Variants in PPP1R1C observed in about 807,000 individuals in gnomAD.
The protein encoded by PPP1R1C is protein phosphatase 1 regulatory subunit 1C.
A neutral mutation model predicts 17.4 loss-of-function variants in PPP1R1C; 15 were observed. The ratio of observed to expected loss-of-function variants is 0.86; its 90% CI spans 0.58 to 1.33. PPP1R1C has a LOEUF of 1.33. Ranked by LOEUF, PPP1R1C falls within the 40% of genes most tolerant of loss-of-function variation. The pLI is 0.00. For missense variants in PPP1R1C, 143 were observed against 130.0 expected (o/e 1.10, Z -0.48); for synonymous variants, 35 against 43.1 (o/e 0.81, Z 0.73).
chr2:181,961,739 T>G lies in PPP1R1C; in HGVS notation n.111+7105T>G, dbSNP rs1401818509. On this transcript the variant is annotated intron_variant and non_coding_transcript_variant, in intron 1 of 5. Transcript: ENST00000464264. The surrounding 1 kb of genome is among the most constrained non-coding windows in gnomAD (Gnocchi z 5.8). ...TATTGGGCCCGGATATCTGCTATGA[T>G]CTTGGCAAGGTCCTGAGATTTGGGG... The G allele has an allele frequency of 2.0e-6, 2 of 991,524 alleles. No homozygotes were observed. The highest frequency in any genetic ancestry group is 1.7e-5 in the Admixed American group (1 of 58,866). 61.4% of individuals were successfully genotyped at this position (991,524 alleles called of 1,614,324 possible). A position where few individuals can be genotyped will look rare whatever the true frequency, so the allele number is the denominator to read the frequency against.
In PPP1R1C at chr2:181,957,299, G is replaced by T. The variant is rs1192258246; in HGVS notation, n.111+2665G>T. On this transcript the variant is annotated intron_variant and non_coding_transcript_variant, in intron 1 of 5. Coordinates refer to the PPP1R1C transcript ENST00000464264. This position sits in a 1 kb window ranked among gnomAD's most constrained non-coding sequence, Gnocchi z 4.2. The stretch of plus-strand genomic sequence containing the variant: ...TTGAACCCGGGAGGTGGAGGTTGTG[G>T]TAAGCCGAGGTAGCGCCACTGCACT... 6.6e-6 allele frequency among the ~76,000 whole-genome samples: 1 copy of T among 152,122 alleles called. No individual in the cohort carries two copies. The highest frequency in any genetic ancestry group is 1.9e-4 in the East Asian group (1 of 5,196).
intron 4 of PPP1R1C, among the ~76,000 whole-genome samples, chr2:182,114,046 T>C (rs1689512840): frequency 6.6e-6 from 1 of 152,240 alleles, no homozygotes; most frequent in Non-Finnish European, 1.5e-5. Context: ...CCTTTTCTTC[T>C]TTTATTGTCT....
At position 182,090,308 on chromosome 2, in the gene PPP1R1C, TG is replaced by T. The variant is rs1444531227; in HGVS notation, c.241+26518del. 2.6e-5 allele frequency among the ~76,000 whole-genome samples: 4 copies of T among 151,930 alleles called. No individual in the cohort carries two copies. The East Asian group carries it at 7.7e-4, about 29-fold the overall frequency. The stretch of plus-strand genomic sequence containing the variant: ...TAAATTCTGTGTGTGTGTGTGTGTG[TG>T]TGTGTGTCAGAGAGAGACAGAGAGC... On this transcript the variant is annotated intron_variant, in intron 4 of 4. Coordinates refer to ENST00000682840, the MANE Select transcript of PPP1R1C (RefSeq NM_001080545.3).
intron 1 of PPP1R1C, among the ~76,000 whole-genome samples, chr2:181,956,216 A>G (rs1684667601): frequency 6.6e-6 from 1 of 152,178 alleles, no homozygotes; most frequent in African/African-American, 2.4e-5. Flanking sequence ...TGTCCTTGCA[A>G]AGGACATGAA....
At chr2:182,001,136 C>T (rs1413642803) in intron 2 of PPP1R1C, among the ~76,000 whole-genome samples, 1 of 152,078 alleles carries the variant, frequency 6.6e-6, no homozygotes, top group Non-Finnish European at 1.5e-5. Context: ...GCCTTTGAAG[C>T]ACAAAACACA....
intron 2 of PPP1R1C, among the ~76,000 whole-genome samples, chr2:182,008,051 G>T (rs942001766): frequency 3.3e-5 from 5 of 150,282 alleles, no homozygotes; most frequent in Non-Finnish European, 5.9e-5. Context: ...CTGGGCGAAA[G>T]AGCGAGACTC....
At chr2:182,019,401 C>T (rs1686350912) in intron 2 of PPP1R1C, among the ~76,000 whole-genome samples, 1 of 152,212 alleles carries the variant, frequency 6.6e-6, no homozygotes, top group African/African-American at 2.4e-5. Context: ...CTACTGGGCA[C>T]AGCTGCTACA....
rs1375475325 is a variant in PPP1R1C, at chr2:181,992,520, C to A, written c.142+4621C>A. 4.5e-5 allele frequency among the ~76,000 whole-genome samples: 6 copies of A among 133,510 alleles called. 3 individuals carry two copies. Among genetic ancestry groups the A allele is most frequent in the Non-Finnish European group, 1.0e-4 (6 of 59,774 alleles). 87.6% of individuals were successfully genotyped at this position (133,510 alleles called of 152,430 possible). Reference sequence around the variant, plus strand: ...CCATTGTTTTCCATTTACCGTTAAGCAGAGACAATATGGTTACAGTTATAT... The same window carrying A: ...CCATTGTTTTCCATTTACCGTTAAGAAGAGACAATATGGTTACAGTTATAT... On this transcript the variant is annotated intron_variant, in intron 2 of 4. Transcript: ENST00000682840.
At chr2:182,087,975 A>C (rs1386657407) in intron 4 of PPP1R1C, among the ~76,000 whole-genome samples, 1 of 152,230 alleles carries the variant, frequency 6.6e-6, no homozygotes, top group African/African-American at 2.4e-5. Flanking sequence ...ATGCAATGAA[A>C]ATGACCTGAT....
intron 4 of PPP1R1C, among the ~76,000 whole-genome samples, chr2:182,115,335 A>T (rs1011695305): frequency 1.3e-5 from 2 of 152,144 alleles, no homozygotes; most frequent in African/African-American, 4.8e-5. Flanking sequence ...TAATAATGGA[A>T]CTTTATGACT....
chr2:182,085,096 T>C (rs1688587704), intron 4 of PPP1R1C, among the ~76,000 whole-genome samples: 2 of 152,046 alleles, frequency 1.3e-5, no homozygotes, highest in South Asian at 4.1e-4. Context: ...CATTGCATCA[T>C]ATAGTGATAC....
At chr2:181,998,459 A>C (rs149981605) in intron 2 of PPP1R1C, among the ~76,000 whole-genome samples, 24 of 152,354 alleles carry the variant, frequency 1.6e-4, no homozygotes, top group African/African-American at 4.1e-4. Flanking sequence ...CTTCTCATGA[A>C]TAGCTCATCG....
intron 2 of PPP1R1C, among the ~76,000 whole-genome samples, chr2:182,038,126 T>G (rs1017447648): frequency 5.3e-4 from 80 of 152,088 alleles, no homozygotes; most frequent in African/African-American, 1.9e-3. Flanking sequence ...CAGCCTCCAC[T>G]TCCTGGGCTC....
intron 2 of PPP1R1C, among the ~76,000 whole-genome samples, chr2:181,994,437 C>A (rs776729945): frequency 2.6e-5 from 4 of 152,044 alleles, no homozygotes; most frequent in Non-Finnish European, 4.4e-5. Flanking sequence ...TCTGGCTAAC[C>A]TTTCTTTATT....
chr2:182,085,470 A>G (rs6710397), intron 4 of PPP1R1C, among the ~76,000 whole-genome samples: 84,500 of 151,872 alleles, frequency 0.56, 23,953 homozygotes, highest in Non-Finnish European at 0.61. Context: ...TATCAAAAGT[A>G]TAAGTAGCTT....
chr2:182,056,883 C>T (rs969905552), intron 2 of PPP1R1C, among the ~76,000 whole-genome samples: 2 of 152,132 alleles, frequency 1.3e-5, no homozygotes, highest in Non-Finnish European at 2.9e-5. Flanking sequence ...CTAAGATTCC[C>T]TTTGAGCCAC....
chr2:182,081,993 T>A (rs988255126), intron 4 of PPP1R1C, among the ~76,000 whole-genome samples: 21 of 152,152 alleles, frequency 1.4e-4, no homozygotes, highest in African/African-American at 1.9e-4. Flanking sequence ...CTATTTTTTT[T>A]AAAAAAAGGT....
At chr2:181,971,162 C>G (rs780750337) in intron 1 of PPP1R1C, among the ~76,000 whole-genome samples, 1 of 152,180 alleles carries the variant, frequency 6.6e-6, no homozygotes, top group Non-Finnish European at 1.5e-5. Context: ...ACAGCCATGA[C>G]AGCTGGGAAT....
intron 4 of PPP1R1C, among the ~76,000 whole-genome samples, chr2:182,080,623 A>G (rs1389119876): frequency 6.6e-6 from 1 of 152,204 alleles, no homozygotes; most frequent in Non-Finnish European, 1.5e-5. Context: ...CTATATGTCT[A>G]TTTAATGACA....
Sources: gnomAD v4.1 joint callset for allele counts (sites outside exome capture counted in the v4.1 genomes callset) on GRCh38, gnomAD v4.1.1 for gene constraint, Gnocchi (gnomAD v3.1) non-coding constraint, MANE v1.5 for transcripts, NCBI Gene and HGNC (gene_info 2026-07-23, HGNC 2026-07-21) for gene names.